HPSE2: variants seen among roughly 807,000 people sequenced by gnomAD.
HPSE2 encodes heparanase 2 (inactive).
A neutral mutation model predicts 60.5 loss-of-function variants in HPSE2; 38 were observed. The observed-to-expected ratio is 0.63, with a 90% CI of 0.48 to 0.82. The LOEUF is 0.82. Among genes scored for constraint, HPSE2 ranks in the 40% least tolerant of loss-of-function variants. The probability of loss-of-function intolerance (pLI) is 0.00; values close to 1 mark genes in which losing one functional copy is unlikely to be tolerated. For missense variants in HPSE2, 713 were observed against 740.4 expected, an observed-to-expected ratio of 0.96 and a Z score of 0.43; for synonymous variants, 295 against 293.2, an observed-to-expected ratio of 1.01 and a Z score of -0.06.
chr10:99,231,327 TA>T (rs1433322221), intron 2 of HPSE2, among the ~76,000 whole-genome samples: 1 of 152,162 alleles, frequency 6.6e-6, no homozygotes, highest in East Asian at 1.9e-4. Flanking sequence ...CCTTTACATA[TA>T]AAACTAGTTT....
intron 3 of HPSE2, among the ~76,000 whole-genome samples, chr10:98,779,095 GCTC>G (rs1249202154): frequency 6.6e-6 from 1 of 152,106 alleles, no homozygotes; most frequent in Non-Finnish European, 1.5e-5. Context: ...ATGAAATTCA[GCTC>G]CTCTTTCGGT....
In HPSE2 at chr10:98,696,398, A is replaced by T. The variant is rs570171498; in HGVS notation, c.957-2451T>A. On this transcript the variant is annotated intron_variant, in intron 5 of 11. Coordinates refer to ENST00000370552, the MANE Select transcript of HPSE2 (RefSeq NM_021828.5). The stretch of plus-strand genomic sequence containing the variant: ...CAGAACTGACTAGGCAGCTGGCGTG[A>T]CCCACAGAGAGGAAGGAAGAGCAGT... 1.5e-3 allele frequency among the ~76,000 whole-genome samples: 228 copies of T among 151,672 alleles called. 1 individual carries two copies. The highest frequency in any genetic ancestry group is 3.4e-3 in the Middle Eastern group (1 of 294).
At chr10:99,204,417 A>T (rs1014705523) in intron 2 of HPSE2, among the ~76,000 whole-genome samples, 1 of 152,216 alleles carries the variant, frequency 6.6e-6, no homozygotes, top group Admixed American at 6.5e-5. Context: ...GGGCTTTCCT[A>T]GACAAAACCA....
At chr10:99,184,819 T>TATATAGAGAGAG (rs1554912295) in intron 2 of HPSE2, among the ~76,000 whole-genome samples, 3 of 19,868 alleles carry the variant, frequency 1.5e-4, no homozygotes, top group Non-Finnish European at 2.0e-4. Flanking sequence ...TATATATATA[T>TATATAGAGAGAG]AGAGAGAGAG....
At chr10:98,729,048 T>A (rs1047928245) in intron 4 of HPSE2, among the ~76,000 whole-genome samples, 1 of 151,096 alleles carries the variant, frequency 6.6e-6, no homozygotes, top group East Asian at 1.9e-4. Context: ...AACAAAACAA[T>A]GAAAACAGTA....
upstream of HPSE2, among the ~76,000 whole-genome samples, chr10:99,236,164 A>G (rs1203289283): frequency 8.6e-5 from 13 of 151,192 alleles, no homozygotes; most frequent in Non-Finnish European, 1.9e-4. Context: ...TAACTTTTTA[A>G]AGGTAAGGGG....
chr10:99,016,336 C>G (rs1285022827), intron 3 of HPSE2, among the ~76,000 whole-genome samples: 1 of 152,038 alleles, frequency 6.6e-6, no homozygotes, highest in Admixed American at 6.6e-5. Context: ...GAAGATCAGA[C>G]AGTTGTAGGT....
Position 98,956,347 on chromosome 10 carries a change from C to T in HPSE2, c.610+187891G>A, listed in dbSNP as rs114140037. On this transcript the variant is annotated intron_variant, in intron 3 of 11. Coordinates refer to ENST00000370552, the MANE Select transcript of HPSE2 (RefSeq NM_021828.5). Reference sequence around the variant, plus strand: ...ATGGTATGATAGAGCATGGTGTGTTCAGGCAGGAAACATGATATGTTAAAT... The same window carrying T: ...ATGGTATGATAGAGCATGGTGTGTTTAGGCAGGAAACATGATATGTTAAAT... Among the ~76,000 whole-genome samples the T allele has an allele frequency of 7.4e-3, 1,130 of 152,168 alleles. 13 individuals are homozygous for T. Among genetic ancestry groups the T allele is most frequent in the African/African-American group, 0.026 (1,065 of 41,512 alleles).
intron 9 of HPSE2, among the ~76,000 whole-genome samples, chr10:98,570,694 G>A (rs610498): frequency 0.39 from 59,548 of 151,750 alleles, 12,202 homozygotes; most frequent in East Asian, 0.53. Flanking sequence ...TGAGACCACA[G>A]AAGCAGCCAT....
the HPSE2 span, among the ~76,000 whole-genome samples, chr10:99,315,113 T>G: frequency 6.6e-6 from 1 of 152,198 alleles, no homozygotes; most frequent in Non-Finnish European, 1.5e-5. Context: ...TTTTTAAAAC[T>G]AGGGACATAG....
intron 3 of HPSE2, among the ~76,000 whole-genome samples, chr10:98,998,252 C>G (rs1956694751): frequency 6.6e-6 from 1 of 152,206 alleles, no homozygotes; most frequent in African/African-American, 2.4e-5. Context: ...AATACATTAT[C>G]ATGAAAATAT....
intron 9 of HPSE2, among the ~76,000 whole-genome samples, chr10:98,605,863 C>T (rs1040672318): frequency 6.6e-6 from 1 of 152,120 alleles, no homozygotes; most frequent in Non-Finnish European, 1.5e-5. Context: ...GAGCGTCTTT[C>T]CCCCACTGCA....
chr10:98,811,724 A>T (rs926583876), intron 3 of HPSE2, among the ~76,000 whole-genome samples: 3 of 152,124 alleles, frequency 2.0e-5, no homozygotes, highest in African/African-American at 7.2e-5. Flanking sequence ...ATCCTTCTGG[A>T]TTTTGAACGA....
intron 3 of HPSE2, among the ~76,000 whole-genome samples, chr10:98,802,918 C>T (rs1950949890): frequency 6.8e-6 from 1 of 147,372 alleles, no homozygotes; most frequent in Non-Finnish European, 1.5e-5. Context: ...AATGGTTGAA[C>T]TAGTTGACAG....
intron 2 of HPSE2, among the ~76,000 whole-genome samples, chr10:99,170,686 T>C (rs1224283830): frequency 6.6e-6 from 1 of 152,210 alleles, no homozygotes; most frequent in Non-Finnish European, 1.5e-5. Context: ...ATGTATCAAA[T>C]CTATTTCATT....
intron 7 of HPSE2, among the ~76,000 whole-genome samples, chr10:98,630,188 T>TTTTTTTC (rs1946324095): frequency 6.7e-6 from 1 of 149,572 alleles, no homozygotes; most frequent in Non-Finnish European, 1.5e-5. Flanking sequence ...CAATCGTTTT[T>TTTTTTTC]TTTTTTGTTT....
At chr10:99,088,497 C>G (rs557782081) in intron 3 of HPSE2, among the ~76,000 whole-genome samples, 6 of 152,154 alleles carry the variant, frequency 3.9e-5, no homozygotes, top group African/African-American at 1.4e-4. Context: ...GAATAATGGT[C>G]TCCAATTCCA....
chr10:98,916,072 A>T (rs184082479), intron 3 of HPSE2, among the ~76,000 whole-genome samples: 1 of 152,312 alleles, frequency 6.6e-6, no homozygotes, highest in East Asian at 1.9e-4. Flanking sequence ...GCCAACGGGG[A>T]TGAGATATTT....
chr10:98,909,784 T>C (rs938387208), intron 3 of HPSE2, among the ~76,000 whole-genome samples: 12 of 152,084 alleles, frequency 7.9e-5, no homozygotes, highest in African/African-American at 2.9e-4. Flanking sequence ...TAAGGTTACT[T>C]ATAAAACTTT....
Sources: allele counts gnomAD v4.1 joint callset (sites outside exome capture counted in the v4.1 genomes callset), GRCh38; gene constraint gnomAD v4.1.1; transcripts MANE v1.5; gene names NCBI Gene and HGNC (gene_info 2026-07-23, HGNC 2026-07-21).